Variants in CSMD1 observed in about 807,000 individuals in gnomAD.
CSMD1 encodes the protein CUB and sushi domain-containing protein 1.
In CSMD1, 213 loss-of-function variants were observed where a neutral mutation model predicts 417.5. That is an observed-to-expected ratio of 0.51 (90% confidence interval 0.46 to 0.57). CSMD1 has a LOEUF of 0.57. Ranked by LOEUF, CSMD1 falls within the 20% of genes least tolerant of loss-of-function variation. The probability of loss-of-function intolerance (pLI) is 0.00; values close to 1 mark genes in which losing one functional copy is unlikely to be tolerated. For missense variants in CSMD1, 6,923 were observed against 4,529.7 expected, an observed-to-expected ratio of 1.53 and a Z score of -15.17; for synonymous variants, 2,862 against 1,736.8, an observed-to-expected ratio of 1.65 and a Z score of -16.11.
intron 5 of CSMD1, among the ~76,000 whole-genome samples, chr8:3,818,868 G>C (rs1224833785): frequency 6.6e-6 from 1 of 152,126 alleles, no homozygotes; most frequent in Non-Finnish European, 1.5e-5. Flanking sequence ...TAACAGCCTT[G>C]CTCACACTTC....
At chr8:3,881,525 T>G (rs1044648754) in intron 5 of CSMD1, among the ~76,000 whole-genome samples, 3 of 149,134 alleles carry the variant, frequency 2.0e-5, no homozygotes, top group Non-Finnish European at 3.0e-5. Context: ...TAATCTCAGC[T>G]ACTCAGGAGG....
Position 3,468,570 on chromosome 8 carries a change from T to TTTTTCC in CSMD1, c.1561+141_1561+142insGGAAAA, listed in dbSNP as rs1249096431. On this transcript the variant is annotated intron_variant, in intron 12 of 69. Coordinates refer to ENST00000635120, the MANE Select transcript of CSMD1 (RefSeq NM_033225.6). ...TTCACGAAAGCGAGTGTTAGTAGAC[T>TTTTTCC]TTAAGGAAGTTCCCGTCATGATTCC... 5.1e-6 allele frequency: 3 copies of TTTTTCC among 588,212 alleles called. No individual in the cohort carries two copies. In the East Asian group the frequency reaches 8.8e-5, roughly 17 times the overall value. The allele number at this position is 588,212 out of a possible 1,614,324, so 36.4% of individuals were successfully genotyped here.
intron 46 of CSMD1, among the ~76,000 whole-genome samples, chr8:3,099,083 C>T (rs112486472): frequency 6.6e-6 from 1 of 151,926 alleles, no homozygotes; most frequent in Non-Finnish European, 1.5e-5. Flanking sequence ...AACTCTTCTC[C>T]GTGCCGTTCA....
intron 11 of CSMD1, among the ~76,000 whole-genome samples, chr8:3,471,102 C>T (rs1355409775): frequency 6.6e-6 from 1 of 152,160 alleles, no homozygotes; most frequent in Non-Finnish European, 1.5e-5. Flanking sequence ...AAATTTTTCC[C>T]CAGACTGTTT....
At chr8:4,514,035 T>G (rs1347134309) in intron 2 of CSMD1, among the ~76,000 whole-genome samples, 1 of 152,172 alleles carries the variant, frequency 6.6e-6, no homozygotes, top group Non-Finnish European at 1.5e-5. Flanking sequence ...CATAATGAAA[T>G]ACCACAAACT....
At chr8:4,218,854 C>T (rs1328142802) in intron 3 of CSMD1, among the ~76,000 whole-genome samples, 3 of 152,126 alleles carry the variant, frequency 2.0e-5, no homozygotes, top group African/African-American at 7.2e-5. Flanking sequence ...TATACTTTTC[C>T]TGAGACATCA....
At chr8:4,526,350 A>T (rs913527859) in intron 2 of CSMD1, among the ~76,000 whole-genome samples, 11 of 152,238 alleles carry the variant, frequency 7.2e-5, no homozygotes, top group African/African-American at 2.7e-4. Context: ...TATTAGGTTC[A>T]CGCTGACCAT....
rs543538404 is a variant in CSMD1, at chr8:3,774,378, C to G, written c.819-20336G>C. 7.6e-3 allele frequency among the ~76,000 whole-genome samples: 1,162 copies of G among 152,190 alleles called. 19 individuals are homozygous for G. Among genetic ancestry groups the G allele is most frequent in the African/African-American group, 0.027 (1,109 of 41,522 alleles). On this transcript the variant is annotated intron_variant, in intron 5 of 69. Coordinates refer to ENST00000635120, the MANE Select transcript of CSMD1 (RefSeq NM_033225.6). ...GTTGTTTGGATGTCTGTCATCTCCCCGGGATGCAAAACACAAGTTTTTCAA... is the reference window on the plus strand; with the variant it reads ...GTTGTTTGGATGTCTGTCATCTCCCGGGGATGCAAAACACAAGTTTTTCAA...
chr8:3,508,070 G>A (rs1210073703), intron 10 of CSMD1, among the ~76,000 whole-genome samples: 1 of 152,106 alleles, frequency 6.6e-6, no homozygotes, highest in African/African-American at 2.4e-5. Context: ...TTTTAGACAT[G>A]AGGTCCTTGC....
intron 1 of CSMD1, among the ~76,000 whole-genome samples, chr8:4,900,206 G>A (rs200446632): frequency 3.3e-5 from 5 of 151,800 alleles, no homozygotes; most frequent in East Asian, 1.9e-4. Context: ...ATGAAGACAC[G>A]GGTTGGGTGC....
At chr8:3,194,825 C>T (rs1327485925) in intron 33 of CSMD1, among the ~76,000 whole-genome samples, 2 of 151,736 alleles carry the variant, frequency 1.3e-5, no homozygotes, top group Non-Finnish European at 2.9e-5. Flanking sequence ...AGCAGAAGAC[C>T]CTGGAAGAAG....
chr8:3,723,634 G>C (rs1802313395), intron 6 of CSMD1, among the ~76,000 whole-genome samples: 1 of 148,570 alleles, frequency 6.7e-6, no homozygotes, highest in East Asian at 2.0e-4. Context: ...TTTTAGACAA[G>C]TAGTGTCTGT....
intron 1 of CSMD1, among the ~76,000 whole-genome samples, chr8:4,821,489 T>C (rs923491668): frequency 1.3e-5 from 2 of 152,180 alleles, no homozygotes; most frequent in Non-Finnish European, 2.9e-5. Flanking sequence ...TTTTCTCATA[T>C]TTCATGCACA....
At chr8:4,496,097 A>G (rs1801963612) in intron 2 of CSMD1, among the ~76,000 whole-genome samples, 1 of 152,230 alleles carries the variant, frequency 6.6e-6, no homozygotes, top group Non-Finnish European at 1.5e-5. Flanking sequence ...ATTTTGGCAT[A>G]CATGAGCTAA....
intron 2 of CSMD1, among the ~76,000 whole-genome samples, chr8:4,464,839 G>A (rs187089195): frequency 1.9e-3 from 284 of 152,204 alleles, no homozygotes; most frequent in Non-Finnish European, 2.0e-3. Context: ...AAGTATCTAT[G>A]ATCCCAATTT....
chr8:2,977,356 G>C (rs1563199858), intron 55 of CSMD1, among the ~76,000 whole-genome samples: 1 of 152,108 alleles, frequency 6.6e-6, no homozygotes. Context: ...GTGGTGTTTG[G>C]TTTTCTGTTC....
At chr8:4,318,407 CTGTG>C (rs905434694) in intron 3 of CSMD1, among the ~76,000 whole-genome samples, 3 of 151,962 alleles carry the variant, frequency 2.0e-5, no homozygotes, top group Non-Finnish European at 4.4e-5. Context: ...ATTTTAGTTT[CTGTG>C]TGTGTGAGAA....
At position 3,956,621 on chromosome 8, in the gene CSMD1, G is replaced by C. The variant is rs145997299; in HGVS notation, c.818+41282C>G. Reference sequence around the variant, plus strand: ...CATAATCATTAAATTCTGATAACAAGACTAAAATGTTGTTATTTTCATTTT... The same window carrying C: ...CATAATCATTAAATTCTGATAACAACACTAAAATGTTGTTATTTTCATTTT... On this transcript the variant is annotated intron_variant, in intron 5 of 69. Coordinates refer to ENST00000635120, the MANE Select transcript of CSMD1 (RefSeq NM_033225.6). Among the ~76,000 whole-genome samples the C allele has an allele frequency of 8.5e-5, 13 of 152,282 alleles. No individual in the cohort carries two copies. In the South Asian group the frequency reaches 1.0e-3, roughly 12 times the overall value.
intron 36 of CSMD1, among the ~76,000 whole-genome samples, chr8:3,186,035 C>G (rs1283237880): frequency 6.7e-6 from 1 of 148,500 alleles, no homozygotes. Context: ...TCTCTTACAT[C>G]TTAAAAAAAA....
Sources: gnomAD v4.1 joint callset for allele counts (sites outside exome capture counted in the v4.1 genomes callset) on GRCh38, gnomAD v4.1.1 for gene constraint, MANE v1.5 for transcripts, NCBI Gene and HGNC (gene_info 2026-07-23, HGNC 2026-07-21) for gene names.